The following RPS6KC1 variants were observed in gnomAD, a reference collection of about 807,000 sequenced individuals.
The protein encoded by RPS6KC1 is inactive ribosomal protein S6 kinase delta-1.
Under a neutral mutation model 103.8 loss-of-function variants are expected in RPS6KC1, and 54 were observed. That is an observed-to-expected ratio of 0.52 (90% CI 0.42 to 0.65). RPS6KC1 has a LOEUF of 0.65. Ranked by LOEUF, RPS6KC1 falls within the 30% of genes least tolerant of loss-of-function variation. The pLI is 0.00. For missense variants in RPS6KC1, 1,151 were observed against 1,253.8 expected (o/e 0.92, Z 1.24); for synonymous variants, 439 against 438.7 (o/e 1.00, Z -0.01).
the RPS6KC1 span, among the ~76,000 whole-genome samples, chr1:213,473,010 A>T: frequency 6.6e-6 from 1 of 152,192 alleles, no homozygotes; most frequent in Non-Finnish European, 1.5e-5. Flanking sequence ...CACCTATTCC[A>T]ATGAACTGTG....
chr1:213,428,442 A>ATCCCTCCCTCCCTCCCTCCC, the RPS6KC1 span, among the ~76,000 whole-genome samples: 1 of 19,740 alleles, frequency 5.1e-5, no homozygotes, highest in African/African-American at 2.1e-4. Flanking sequence ...CCCTCCCTCC[A>ATCCCTCCCTCCCTCCCTCCC]TCCCTCCCTC....
the RPS6KC1 span, among the ~76,000 whole-genome samples, chr1:213,764,967 C>A: frequency 2.0e-5 from 3 of 152,140 alleles, no homozygotes; most frequent in Non-Finnish European, 2.9e-5. Context: ...GGTGGGGTGT[C>A]TCTCTCACCA....
the RPS6KC1 span, among the ~76,000 whole-genome samples, chr1:213,405,559 C>T: frequency 6.6e-6 from 1 of 152,188 alleles, no homozygotes; most frequent in Non-Finnish European, 1.5e-5. Flanking sequence ...GACTCCTCAA[C>T]AGCAGCCATT....
the RPS6KC1 span, among the ~76,000 whole-genome samples, chr1:213,352,229 A>G: frequency 6.6e-6 from 1 of 152,176 alleles, no homozygotes; most frequent in African/African-American, 2.4e-5. Context: ...AGCAAAACAG[A>G]ATGTGCATGG....
Position 213,232,210 on chromosome 1 carries a change from A to C in RPS6KC1, c.1180A>C (p.Ile394Leu), listed in dbSNP as rs769576259. ...CAACATGGTGTGTCTGCATAAGTAC[A>C]TCATCTCTGAGGAGTCAGTATTTCT... ...VPNMVCLHKYIISEESVFLVL... is the reference protein window; with the variant it reads ...VPNMVCLHKYLISEESVFLVL... The change falls in exon 10 of 15, where the codon ATC (isoleucine) becomes CTC (leucine). Residue 394 changes from isoleucine to leucine, a missense_variant. By Grantham distance (5) the Ile-to-Leu change is conservative. Transcript: ENST00000366960. 1 of 1,614,034 alleles carries C rather than the reference A, an allele frequency of 6.2e-7. No homozygotes were observed. Among genetic ancestry groups the C allele is most frequent in the South Asian group, 1.1e-5 (1 of 91,072 alleles).
the RPS6KC1 span, among the ~76,000 whole-genome samples, chr1:213,715,496 A>G: frequency 6.6e-6 from 1 of 152,234 alleles, no homozygotes; most frequent in Non-Finnish European, 1.5e-5. Flanking sequence ...CAAACCTTGC[A>G]TTTGGTTCAG....
Position 213,274,250 on chromosome 1 carries a change from A to G in RPS6KC1, c.*1616A>G, listed in dbSNP as rs1233666763. The G allele has an allele frequency of 6.6e-6, 1 of 152,192 alleles. No individual in the cohort carries two copies. The highest frequency in any genetic ancestry group is 2.4e-5 in the African/African-American group (1 of 41,442). 9.4% of individuals were successfully genotyped at this position (152,192 alleles called of 1,614,324 possible). Reference sequence around the variant, plus strand: ...CTCACTAGTCCCCTGGCCTCATAACAGGAACTTATGCAGGTGAGACACAAG... The same window carrying G: ...CTCACTAGTCCCCTGGCCTCATAACGGGAACTTATGCAGGTGAGACACAAG... On this transcript the variant is annotated 3_prime_UTR_variant, in exon 15 of 15. Coordinates refer to ENST00000366960, the MANE Select transcript of RPS6KC1 (RefSeq NM_012424.6).
the RPS6KC1 span, among the ~76,000 whole-genome samples, chr1:213,523,207 AAC>A: frequency 6.6e-6 from 1 of 152,226 alleles, no homozygotes; most frequent in East Asian, 1.9e-4. Flanking sequence ...GAGTGGTCAG[AAC>A]ACACACAATT....
intron 8 of RPS6KC1, among the ~76,000 whole-genome samples, chr1:213,178,465 TG>T (rs1325507309): frequency 6.6e-6 from 1 of 151,130 alleles, no homozygotes; most frequent in Non-Finnish European, 1.5e-5. Context: ...CACTTGAACC[TG>T]GGAGGCAGAG....
At chr1:213,755,509 G>A in the RPS6KC1 span, among the ~76,000 whole-genome samples, 3 of 152,202 alleles carry the variant, frequency 2.0e-5, no homozygotes, top group Admixed American at 1.3e-4. Flanking sequence ...CATCAGAAGA[G>A]CCTCCAGTCA....
the RPS6KC1 span, among the ~76,000 whole-genome samples, chr1:213,400,296 C>T: frequency 6.6e-6 from 1 of 152,062 alleles, no homozygotes; most frequent in Non-Finnish European, 1.5e-5. Flanking sequence ...TTGAGCTCGA[C>T]CATAAGAGAA....
At chr1:213,381,668 T>C in the RPS6KC1 span, among the ~76,000 whole-genome samples, 1 of 151,770 alleles carries the variant, frequency 6.6e-6, no homozygotes, top group African/African-American at 2.4e-5. Context: ...TGCCAAAAGA[T>C]ATTAAAAAGC....
At chr1:213,510,185 C>G in the RPS6KC1 span, among the ~76,000 whole-genome samples, 1 of 152,176 alleles carries the variant, frequency 6.6e-6, no homozygotes, top group Non-Finnish European at 1.5e-5. Context: ...ATTGCATGCT[C>G]TGTTGTCTCC....
the RPS6KC1 span, among the ~76,000 whole-genome samples, chr1:213,728,005 G>A: frequency 2.0e-4 from 31 of 152,314 alleles, 1 homozygote; most frequent in South Asian, 6.4e-3. Flanking sequence ...ACAAAGGGAA[G>A]AGAGTCACAG....
chr1:213,509,766 T>C, the RPS6KC1 span, among the ~76,000 whole-genome samples: 2 of 152,208 alleles, frequency 1.3e-5, no homozygotes, highest in African/African-American at 4.8e-5. Context: ...ACACAAACTT[T>C]AATGCTAGCA....
At chr1:213,641,669 G>T in the RPS6KC1 span, among the ~76,000 whole-genome samples, 1 of 151,974 alleles carries the variant, frequency 6.6e-6, no homozygotes, top group East Asian at 1.9e-4. Flanking sequence ...TCACTGTCCT[G>T]AGTTCCTCAC....
At chr1:213,745,453 G>T in the RPS6KC1 span, among the ~76,000 whole-genome samples, 1 of 152,028 alleles carries the variant, frequency 6.6e-6, no homozygotes, top group Non-Finnish European at 1.5e-5. Flanking sequence ...TCAATTTAGA[G>T]GGGGAAAAGG....
chr1:213,767,063 G>T, the RPS6KC1 span, among the ~76,000 whole-genome samples: 1 of 151,910 alleles, frequency 6.6e-6, no homozygotes, highest in Non-Finnish European at 1.5e-5. Context: ...TCCCACTCCT[G>T]TGATTCTAAT....
At chr1:213,801,374 C>T in the RPS6KC1 span, among the ~76,000 whole-genome samples, 4 of 152,068 alleles carry the variant, frequency 2.6e-5, no homozygotes, top group South Asian at 8.3e-4. Flanking sequence ...GTTTCCTTTT[C>T]CATGTAGTGT....
Sources: allele counts gnomAD v4.1 joint callset (sites outside exome capture counted in the v4.1 genomes callset), GRCh38; gene constraint gnomAD v4.1.1; transcripts MANE v1.5; gene names NCBI Gene and HGNC (gene_info 2026-07-23, HGNC 2026-07-21).